Variants in ZNF365 observed in about 807,000 individuals in gnomAD.
ZNF365 encodes protein ZNF365.
Under a neutral mutation model 35.0 loss-of-function variants are expected in ZNF365, and 22 were observed. The observed-to-expected ratio is 0.63, with a 90% CI of 0.45 to 0.90. ZNF365 has a LOEUF of 0.90. Among genes scored for constraint, ZNF365 ranks in the 40% least tolerant of loss-of-function variants. The pLI is 0.00. For missense variants in ZNF365, 448 were observed against 500.3 expected (o/e 0.90, Z 1.00); for synonymous variants, 188 against 196.2 (o/e 0.96, Z 0.35).
At chr10:62,461,866 G>A (rs1184832000) in intron 4 of ZNF365, among the ~76,000 whole-genome samples, 5 of 152,020 alleles carry the variant, frequency 3.3e-5, no homozygotes, top group African/African-American at 9.7e-5. Flanking sequence ...TAATCCCTTC[G>A]ACAATAAGCA....
chr10:62,472,283 T>G (rs1955331), intron 4 of ZNF365, among the ~76,000 whole-genome samples: 2 of 152,012 alleles, frequency 1.3e-5, no homozygotes, highest in African/African-American at 4.8e-5. Context: ...AATACTGTGT[T>G]GATGGAATAA....
chr10:62,431,513 AGTCTAATG>A (rs1840334483), intron 3 of ZNF365, among the ~76,000 whole-genome samples: 1 of 151,940 alleles, frequency 6.6e-6, no homozygotes, highest in Non-Finnish European at 1.5e-5. Flanking sequence ...TGCTGTTAAT[AGTCTAATG>A]CATAGTCTAA....
chr10:62,424,168 C>T (rs578146939), intron 3 of ZNF365, among the ~76,000 whole-genome samples: 6 of 152,112 alleles, frequency 3.9e-5, no homozygotes, highest in Non-Finnish European at 5.9e-5. Context: ...TTTGAGAAGC[C>T]TGTGAGTGAG....
At chr10:62,431,347 A>C (rs143969612) in intron 3 of ZNF365, among the ~76,000 whole-genome samples, 16 of 152,322 alleles carry the variant, frequency 1.1e-4, no homozygotes, top group Non-Finnish European at 2.2e-4. Context: ...TATAAATATA[A>C]ACACTTAACA....
At chr10:62,424,804 T>A (rs1384040423) in intron 3 of ZNF365, among the ~76,000 whole-genome samples, 1 of 152,196 alleles carries the variant, frequency 6.6e-6, no homozygotes, top group Admixed American at 6.5e-5. Flanking sequence ...TATTAAAGAA[T>A]CTCAATTGTC....
chr10:62,459,597 A>C, intron 3 of ZNF365: 2 of 883,984 alleles, frequency 2.3e-6, no homozygotes, highest in South Asian at 1.9e-5. Flanking sequence ...ACATTAATGC[A>C]ATTTCTGTTT....
chr10:62,397,677 A>G (rs947995200), intron 3 of ZNF365, among the ~76,000 whole-genome samples: 2 of 152,228 alleles, frequency 1.3e-5, no homozygotes, highest in African/African-American at 4.8e-5. Flanking sequence ...GGAGTGGGAA[A>G]TCATCTCAAT....
At chr10:62,452,057 A>G (rs1840691651) in intron 3 of ZNF365, among the ~76,000 whole-genome samples, 1 of 152,240 alleles carries the variant, frequency 6.6e-6, no homozygotes, top group African/African-American at 2.4e-5. Flanking sequence ...ATTTCGGGGA[A>G]GTTGTGATTC....
chr10:62,379,024 A>ATTTTTTTT (rs35163241), intron 2 of ZNF365, among the ~76,000 whole-genome samples: 1 of 138,990 alleles, frequency 7.2e-6, no homozygotes. Flanking sequence ...TTACGAGTTG[A>ATTTTTTTT]TTTTTTTTTT....
At chr10:62,419,909 G>A (rs1840139592) in intron 3 of ZNF365, among the ~76,000 whole-genome samples, 1 of 151,782 alleles carries the variant, frequency 6.6e-6, no homozygotes, top group African/African-American at 2.4e-5. Context: ...GTAAGTTTTT[G>A]GTATGTACAC....
intron 3 of ZNF365, among the ~76,000 whole-genome samples, chr10:62,417,986 G>A (rs1324666579): frequency 6.6e-6 from 1 of 151,880 alleles, no homozygotes; most frequent in Non-Finnish European, 1.5e-5. Flanking sequence ...GACAAGAATG[G>A]AACTAAGACT....
At chr10:62,447,524 C>G (rs965800164) in intron 3 of ZNF365, among the ~76,000 whole-genome samples, 9 of 152,188 alleles carry the variant, frequency 5.9e-5, no homozygotes. Flanking sequence ...AAGTCACTGG[C>G]TGAGAAAAGT....
At chr10:62,468,406 A>C (rs1840979660) in intron 4 of ZNF365, among the ~76,000 whole-genome samples, 2 of 152,182 alleles carry the variant, frequency 1.3e-5, no homozygotes, top group African/African-American at 4.8e-5. Context: ...ACCAAAATAA[A>C]CTCATACTAC....
At chr10:62,395,337 C>T (rs2132424664) in intron 3 of ZNF365, among the ~76,000 whole-genome samples, 1 of 150,846 alleles carries the variant, frequency 6.6e-6, no homozygotes, top group African/African-American at 2.4e-5. Context: ...TGTTCCAAAA[C>T]TCTGACACTC....
At chr10:62,459,808 C>A (rs777717168) in intron 4 of ZNF365, 1 of 1,604,416 alleles carries the variant, frequency 6.2e-7, no homozygotes, top group Non-Finnish European at 8.5e-7. Flanking sequence ...GTAAAGCCAC[C>A]ACCTGGGTGG....
chr10:62,466,164 T>C (rs1185514633), intron 4 of ZNF365, among the ~76,000 whole-genome samples: 1 of 152,178 alleles, frequency 6.6e-6, no homozygotes, highest in East Asian at 1.9e-4. Flanking sequence ...ACCTTGGGGC[T>C]TCCCGAACCT....
chr10:62,472,034 G>C (rs543820056), intron 4 of ZNF365, among the ~76,000 whole-genome samples: 1 of 152,338 alleles, frequency 6.6e-6, no homozygotes, highest in East Asian at 1.9e-4. Flanking sequence ...AGTTACATGG[G>C]AGAAGTGAGC....
chr10:62,416,925 C>G (rs1377341617), intron 3 of ZNF365, among the ~76,000 whole-genome samples: 1 of 152,002 alleles, frequency 6.6e-6, no homozygotes, highest in Non-Finnish European at 1.5e-5. Context: ...ATTTAATGTA[C>G]TTCTCCAAAC....
At chr10:62,417,860 G>T (rs1840099352) in intron 3 of ZNF365, among the ~76,000 whole-genome samples, 1 of 151,460 alleles carries the variant, frequency 6.6e-6, no homozygotes, top group Middle Eastern at 3.2e-3. Context: ...AAAGGGAAAG[G>T]GATATATATG....
Sources: gnomAD v4.1 joint callset for allele counts (sites outside exome capture counted in the v4.1 genomes callset) on GRCh38, gnomAD v4.1.1 for gene constraint, MANE v1.5 for transcripts, NCBI Gene and HGNC (gene_info 2026-07-23, HGNC 2026-07-21) for gene names.